Variants in PIGK observed in about 807,000 individuals in gnomAD.
PIGK encodes the protein phosphatidylinositol glycan anchor biosynthesis class K.
PIGK carries 42 observed loss-of-function variants against 50.6 expected under a neutral mutation model. That is an observed-to-expected ratio of 0.83 (90% CI 0.65 to 1.07). PIGK has a LOEUF of 1.07. Among genes scored for constraint, PIGK ranks in the 50% least tolerant of loss-of-function variants. PIGK has a pLI of 0.00. For missense variants in PIGK, 448 were observed against 488.7 expected, an observed-to-expected ratio of 0.92 and a Z score of 0.78; for synonymous variants, 151 against 156.0, an observed-to-expected ratio of 0.97 and a Z score of 0.24.
intron 3 of PIGK, among the ~76,000 whole-genome samples, chr1:77,187,934 T>A (rs1655788819): frequency 6.6e-6 from 1 of 152,212 alleles, no homozygotes; most frequent in Non-Finnish European, 1.5e-5. Flanking sequence ...TAAACATAAA[T>A]TGTAAAGATT....
rs548922601 is a variant in PIGK, at chr1:77,158,271, C to T, written c.813+3024G>A. Among the ~76,000 whole-genome samples, 4 of 152,238 alleles carry T rather than the reference C, an allele frequency of 2.6e-5. No homozygotes were observed. The East Asian group carries it at 7.7e-4, about 29-fold the overall frequency. ...ACCTCAAGTAATCCGCCCACCTCAA[C>T]CTCCCAAAGTGCTGGGATTACAGGC... is the stretch of plus-strand genomic sequence containing the variant. On this transcript the variant is annotated intron_variant, in intron 8 of 10. Coordinates refer to ENST00000370812, the MANE Select transcript of PIGK (RefSeq NM_005482.3).
At chr1:77,198,980 A>G (rs1052528946) in intron 3 of PIGK, among the ~76,000 whole-genome samples, 5 of 152,114 alleles carry the variant, frequency 3.3e-5, no homozygotes, top group African/African-American at 1.2e-4. Context: ...TAGTGACAGT[A>G]GTAAAGACAT....
intron 6 of PIGK, among the ~76,000 whole-genome samples, chr1:77,163,598 T>C (rs1655173932): frequency 1.3e-5 from 2 of 152,082 alleles, no homozygotes; most frequent in African/African-American, 4.8e-5. Context: ...ACTTATTTCC[T>C]CTAAAAAAGA....
chr1:77,169,507 A>C, intron 3 of PIGK, 112 bp from the exon 4 acceptor site: 1 of 758,762 alleles, frequency 1.3e-6, no homozygotes, highest in Non-Finnish European at 2.1e-6. Flanking sequence ...CTTAAAAAAA[A>C]ATTTTCAACT....
chr1:77,151,516 G>T (rs551816682), intron 9 of PIGK, among the ~76,000 whole-genome samples: 1 of 152,218 alleles, frequency 6.6e-6, no homozygotes, highest in South Asian at 2.1e-4. Flanking sequence ...GCAAGAGAAA[G>T]AAATAAGGCG....
chr1:77,120,416 TG>T (rs1654071136), intron 10 of PIGK, among the ~76,000 whole-genome samples: 2 of 152,222 alleles, frequency 1.3e-5, no homozygotes, highest in Non-Finnish European at 1.5e-5. Flanking sequence ...CATAGGGTTT[TG>T]TTATGTTGCC....
intron 10 of PIGK, among the ~76,000 whole-genome samples, chr1:77,118,857 T>C (rs1258908502): frequency 6.6e-6 from 1 of 152,210 alleles, no homozygotes; most frequent in Non-Finnish European, 1.5e-5. Flanking sequence ...TGCAAAGTAT[T>C]GTTCCTGGGT....
chr1:77,205,737 A>G (rs1656271989), intron 3 of PIGK, among the ~76,000 whole-genome samples: 1 of 152,176 alleles, frequency 6.6e-6, no homozygotes, highest in African/African-American at 2.4e-5. Context: ...AAATAACTGA[A>G]TTGACTACAG....
At chr1:77,102,008 CAA>C (rs1399297784) in intron 10 of PIGK, among the ~76,000 whole-genome samples, 2 of 151,628 alleles carry the variant, frequency 1.3e-5, no homozygotes, top group East Asian at 3.9e-4. Flanking sequence ...ATCTCACACA[CAA>C]AAAAAATTCT....
At chr1:77,155,099 T>C (rs1324270542) in intron 8 of PIGK, among the ~76,000 whole-genome samples, 1 of 152,214 alleles carries the variant, frequency 6.6e-6, no homozygotes, top group Non-Finnish European at 1.5e-5. Context: ...TAAGTGGAGT[T>C]GCTCTGGATT....
At chr1:77,112,190 G>A (rs1653863529) in intron 10 of PIGK, among the ~76,000 whole-genome samples, 1 of 135,614 alleles carries the variant, frequency 7.4e-6, no homozygotes, top group Admixed American at 7.8e-5. Flanking sequence ...TATAAAATGT[G>A]ACTTTTCTGA....
At chr1:77,112,034 C>T (rs1401995067) in intron 10 of PIGK, among the ~76,000 whole-genome samples, 1 of 151,888 alleles carries the variant, frequency 6.6e-6, no homozygotes, top group African/African-American at 2.4e-5. Context: ...AAAGGAAAAT[C>T]TGTGTTTATC....
chr1:77,189,860 C>G (rs1400734532), intron 3 of PIGK, among the ~76,000 whole-genome samples: 1 of 150,968 alleles, frequency 6.6e-6, no homozygotes, highest in African/African-American at 2.4e-5. Context: ...CAGTATGTCT[C>G]AAGTATTGCA....
At chr1:77,206,873 A>T (rs41312658) in intron 2 of PIGK, 142 bp from the exon 3 acceptor site, 5,798 of 533,012 alleles carry the variant, frequency 0.011, 51 homozygotes, top group South Asian at 0.018. Flanking sequence ...AACACAAAAA[A>T]TTGTCAGTAA....
chr1:77,093,451 C>A (rs190448931), intron 10 of PIGK, among the ~76,000 whole-genome samples: 27 of 152,200 alleles, frequency 1.8e-4, no homozygotes, highest in African/African-American at 6.3e-4. Flanking sequence ...ATATTAGAAT[C>A]ACATTTTAGA....
chr1:77,165,792 GA>G (rs1337695517), intron 5 of PIGK, among the ~76,000 whole-genome samples: 2 of 152,116 alleles, frequency 1.3e-5, no homozygotes, highest in Non-Finnish European at 2.9e-5. Flanking sequence ...CTTTAGATAA[GA>G]AAAATGTAAG....
intron 10 of PIGK, among the ~76,000 whole-genome samples, chr1:77,112,927 G>C (rs140840177): frequency 3.3e-5 from 5 of 151,962 alleles, no homozygotes; most frequent in Non-Finnish European, 1.5e-5. Flanking sequence ...TTTACACTTC[G>C]CCCTTAAAAC....
intron 3 of PIGK, among the ~76,000 whole-genome samples, chr1:77,182,991 G>T (rs1013535676): frequency 7.2e-5 from 11 of 152,300 alleles, no homozygotes; most frequent in Admixed American, 3.9e-4. Context: ...CTGTCTCCCG[G>T]CTTCAGATAC....
chr1:77,092,499 C>A lies in PIGK; in HGVS notation c.1072-9G>T, dbSNP rs1653323526. 7.5e-7 allele frequency: 1 copy of A among 1,329,178 alleles called. No individual in the cohort carries two copies. Among genetic ancestry groups the A allele is most frequent in the African/African-American group, 1.5e-5 (1 of 68,054 alleles). 82.3% of individuals were successfully genotyped at this position (1,329,178 alleles called of 1,614,324 possible). A position where few individuals can be genotyped will look rare whatever the true frequency, so the allele number is the denominator to read the frequency against. On this transcript the variant is annotated splice_polypyrimidine_tract_variant and intron_variant, in intron 10 of 10. Coordinates refer to ENST00000370812, the MANE Select transcript of PIGK (RefSeq NM_005482.3). ...TCTTTCAGCTTCGGTTTCTGCAAAA[C>A]AAGAATAACATGATAAATTTTATAA...
Sources: gnomAD v4.1 joint callset for allele counts (sites outside exome capture counted in the v4.1 genomes callset) on GRCh38, gnomAD v4.1.1 for gene constraint, MANE v1.5 for transcripts, NCBI Gene and HGNC (gene_info 2026-07-23, HGNC 2026-07-21) for gene names.